Variants in PHACTR4 observed in about 807,000 individuals in gnomAD.
PHACTR4 encodes protein phosphatase 1, regulatory subunit 124.
PHACTR4 carries 51 observed loss-of-function variants against 72.7 expected under a neutral mutation model. That is an observed-to-expected ratio of 0.70 (90% CI 0.56 to 0.89). The LOEUF (loss-of-function observed/expected upper bound fraction) is 0.89, where lower values mean the gene tolerates loss of function less well. Among genes scored for constraint, PHACTR4 ranks in the 40% least tolerant of loss-of-function variants. PHACTR4 has a pLI of 0.00. For synonymous variants in PHACTR4, 255 were observed against 302.5 expected (o/e 0.84, Z 1.63); for missense variants, 731 against 861.8 (o/e 0.85, Z 1.90).
At chr1:28,412,502 A>G (rs1443226032) in intron 2 of PHACTR4, among the ~76,000 whole-genome samples, 3 of 152,166 alleles carry the variant, frequency 2.0e-5, no homozygotes, top group African/African-American at 7.2e-5. Context: ...TTGCTTTATC[A>G]AGGACATTCT....
chr1:28,376,968 G>A (rs1370702770), intron 1 of PHACTR4, among the ~76,000 whole-genome samples: 1 of 150,312 alleles, frequency 6.7e-6, no homozygotes, highest in Non-Finnish European at 1.5e-5. Flanking sequence ...TTTTGCTCTT[G>A]TCACTCAGGT....
intron 7 of PHACTR4, 70 bp from the exon 8 acceptor site, chr1:28,476,037 G>A: frequency 6.9e-7 from 1 of 1,447,086 alleles, no homozygotes; most frequent in South Asian, 1.4e-5. Flanking sequence ...CTTTATTTCA[G>A]TCCTTTGTCT....
intron 8 of PHACTR4, among the ~76,000 whole-genome samples, chr1:28,478,833 G>C (rs185833015): frequency 1.5e-4 from 22 of 151,646 alleles, no homozygotes; most frequent in African/African-American, 4.8e-4. Flanking sequence ...GTGTTGCTCA[G>C]ACTGATCTGA....
chr1:28,484,253 A>C (rs1660478241), intron 9 of PHACTR4, among the ~76,000 whole-genome samples: 1 of 152,046 alleles, frequency 6.6e-6, no homozygotes, highest in East Asian at 1.9e-4. Flanking sequence ...CCCAGGAGGC[A>C]GAGGTTTCAG....
chr1:28,377,429 G>T (rs1390600025), intron 1 of PHACTR4, among the ~76,000 whole-genome samples: 1 of 149,306 alleles, frequency 6.7e-6, no homozygotes, highest in Non-Finnish European at 1.5e-5. Flanking sequence ...TAGTAGAGAT[G>T]GGGTTTCACC....
chr1:28,392,024 C>T (rs1465902421), intron 1 of PHACTR4, among the ~76,000 whole-genome samples: 7 of 152,128 alleles, frequency 4.6e-5, no homozygotes, highest in Non-Finnish European at 1.0e-4. Flanking sequence ...TTAGCCATTC[C>T]ACAGTCTTCA....
intron 2 of PHACTR4, among the ~76,000 whole-genome samples, chr1:28,419,352 T>C (rs1183044595): frequency 1.3e-5 from 2 of 152,026 alleles, no homozygotes; most frequent in African/African-American, 4.8e-5. Flanking sequence ...AGAGGATTTA[T>C]TGCAATATCT....
chr1:28,427,161 T>C (rs551013053), intron 2 of PHACTR4, among the ~76,000 whole-genome samples: 1 of 152,222 alleles, frequency 6.6e-6, no homozygotes, highest in Non-Finnish European at 1.5e-5. Flanking sequence ...ATTAAAATAA[T>C]GTAATTCTTA....
chr1:28,400,287 C>T (rs1402301523), intron 1 of PHACTR4, among the ~76,000 whole-genome samples: 1 of 151,036 alleles, frequency 6.6e-6, no homozygotes, highest in Non-Finnish European at 1.5e-5. Context: ...GCAGGAGAAT[C>T]GCTTGAACCT....
intron 2 of PHACTR4, among the ~76,000 whole-genome samples, chr1:28,447,416 G>C (rs1213951983): frequency 1.4e-5 from 2 of 145,032 alleles, no homozygotes; most frequent in African/African-American, 5.1e-5. Flanking sequence ...TTTTGAGACA[G>C]TCTCACTCTG....
At chr1:28,475,275 AT>A (rs1295274199) in intron 7 of PHACTR4, among the ~76,000 whole-genome samples, 2,189 of 146,664 alleles carry the variant, frequency 0.015, 46 homozygotes, top group African/African-American at 0.049. Context: ...TACTCTTGTG[AT>A]TTTTTTTTTT....
intron 1 of PHACTR4, among the ~76,000 whole-genome samples, chr1:28,380,218 G>A (rs544690250): frequency 6.5e-4 from 98 of 150,476 alleles, no homozygotes; most frequent in African/African-American, 2.3e-3. Flanking sequence ...TACCACGCCC[G>A]GCTAATTTTT....
At chr1:28,462,588 A>C (rs529706480) in intron 4 of PHACTR4, among the ~76,000 whole-genome samples, 2 of 151,640 alleles carry the variant, frequency 1.3e-5, no homozygotes, top group South Asian at 4.2e-4. Flanking sequence ...CTGGTCTCAA[A>C]CTCCTGAGCT....
chr1:28,491,967 A>G (rs186376857), intron 12 of PHACTR4, among the ~76,000 whole-genome samples, 180 bp downstream of exon 12: 1 of 152,360 alleles, frequency 6.6e-6, no homozygotes, highest in Non-Finnish European at 1.5e-5. Context: ...ATACTAACTC[A>G]GTATGTTTTG....
At chr1:28,456,581 A>G (rs2124460297) in intron 2 of PHACTR4, among the ~76,000 whole-genome samples, 1 of 151,908 alleles carries the variant, frequency 6.6e-6, no homozygotes, top group Non-Finnish European at 1.5e-5. Flanking sequence ...TTCCCACCTC[A>G]GCCTCGCAAG....
chr1:28,379,843 C>T (rs550842972), intron 1 of PHACTR4, among the ~76,000 whole-genome samples: 1 of 151,662 alleles, frequency 6.6e-6, no homozygotes, highest in Admixed American at 6.6e-5. Context: ...CCCGCCTCGG[C>T]CTCCCAAAGT....
rs1233806188 is a variant in PHACTR4 at position 28,407,456 on chromosome 1, T to A, written c.9T>A (p.Asp3Glu). 5 of 1,607,928 alleles carry A rather than the reference T, an allele frequency of 3.1e-6. No individual in the cohort carries two copies. The highest frequency in any genetic ancestry group is 4.3e-6 in the Non-Finnish European group (5 of 1,175,310). ME[D>E]PFEEADQPTT... ...AACTGGTTAATAGTGGCATGGAAGA[T>A]CCATTTGGTGAGTATCACCTACATT... Residue 3 changes from aspartate (D) to glutamate (E), a missense_variant, in exon 2 of 14, where the codon GAT becomes GAA. By Grantham distance (45) the Asp-to-Glu change is conservative. Coordinates refer to ENST00000373839, the MANE Select transcript of PHACTR4 (RefSeq NM_001048183.3).
intron 1 of PHACTR4, among the ~76,000 whole-genome samples, chr1:28,401,750 C>A (rs746081089): frequency 9.2e-5 from 14 of 152,098 alleles, no homozygotes; most frequent in Non-Finnish European, 1.8e-4. Flanking sequence ...AGGCACGCAC[C>A]ACCACGCTCA....
chr1:28,373,713 A>G (rs937495666), intron 1 of PHACTR4, among the ~76,000 whole-genome samples: 2 of 152,192 alleles, frequency 1.3e-5, no homozygotes, highest in Non-Finnish European at 2.9e-5. Context: ...GGCATGAGTC[A>G]CCATGCCCGG....
Sources: allele counts gnomAD v4.1 joint callset (sites outside exome capture counted in the v4.1 genomes callset), GRCh38; gene constraint gnomAD v4.1.1; transcripts MANE v1.5; gene names NCBI Gene and HGNC (gene_info 2026-07-23, HGNC 2026-07-21).